The following KHDRBS3 variants were observed in gnomAD, a reference collection of about 807,000 sequenced individuals.
KHDRBS3 encodes the protein KH RNA binding domain containing, signal transduction associated 3, also known as KH domain-containing, RNA-binding, signal transduction-associated protein 3.
A neutral mutation model predicts 45.6 loss-of-function variants in KHDRBS3; 23 were observed. That is an observed-to-expected ratio of 0.50 (90% CI 0.36 to 0.72). The LOEUF is 0.72. Ranked by LOEUF, KHDRBS3 falls within the 30% of genes least tolerant of loss-of-function variation. The probability of loss-of-function intolerance (pLI) is 0.00; values close to 1 mark genes in which losing one functional copy is unlikely to be tolerated. For missense variants in KHDRBS3, 352 were observed against 424.8 expected (o/e 0.83, Z 1.51); for synonymous variants, 162 against 156.5 (o/e 1.04, Z -0.26).
chr8:135,470,284 TTTTGA>T (rs1344185084), intron 1 of KHDRBS3, among the ~76,000 whole-genome samples: 1 of 151,808 alleles, frequency 6.6e-6, no homozygotes, highest in African/African-American at 2.4e-5. Flanking sequence ...CCTTATAAGA[TTTTGA>T]TTTAACAAGT....
At chr8:135,502,401 C>T (rs1014021810) in intron 1 of KHDRBS3, among the ~76,000 whole-genome samples, 5 of 152,158 alleles carry the variant, frequency 3.3e-5, no homozygotes, top group African/African-American at 9.7e-5. Context: ...TAGGATACCC[C>T]TCCACATATC....
intron 7 of KHDRBS3, among the ~76,000 whole-genome samples, chr8:135,610,115 A>G (rs1442741063): frequency 6.6e-6 from 1 of 151,928 alleles, no homozygotes; most frequent in Non-Finnish European, 1.5e-5. Context: ...TAAAGAACCA[A>G]ACTTAAAGCA....
At chr8:135,494,479 C>T (rs560313044) in intron 1 of KHDRBS3, among the ~76,000 whole-genome samples, 105 of 152,010 alleles carry the variant, frequency 6.9e-4, no homozygotes, top group African/African-American at 2.4e-3. Context: ...GGGGTTTCAC[C>T]GTGTTAGCCA....
chr8:135,626,297 A>G (rs549939077), intron 7 of KHDRBS3, among the ~76,000 whole-genome samples: 11 of 152,270 alleles, frequency 7.2e-5, no homozygotes, highest in Non-Finnish European at 1.5e-4. Context: ...TTTGGCTTCA[A>G]AGCCTGATTT....
At chr8:135,566,246 T>TA (rs1273340820) in intron 5 of KHDRBS3, among the ~76,000 whole-genome samples, 2 of 152,206 alleles carry the variant, frequency 1.3e-5, no homozygotes, top group African/African-American at 4.8e-5. Flanking sequence ...TCTGTAGTTT[T>TA]ATATTTGAAA....
chr8:135,460,463 A>G (rs1462139459), intron 1 of KHDRBS3, among the ~76,000 whole-genome samples: 4 of 152,184 alleles, frequency 2.6e-5, no homozygotes, highest in Admixed American at 1.3e-4. Context: ...CAGCTATCTA[A>G]GCTTTTGGGC....
At chr8:135,654,004 C>A (rs926134926) in intron 4 of KHDRBS3, among the ~76,000 whole-genome samples, 4 of 152,102 alleles carry the variant, frequency 2.6e-5, no homozygotes, top group Non-Finnish European at 5.9e-5. Context: ...CCCCACACAC[C>A]CACAGGTAAC....
chr8:135,475,499 A>G lies in KHDRBS3; in HGVS notation c.88+17545A>G, dbSNP rs1170099935. On this transcript the variant is annotated intron_variant, in intron 1 of 8. Transcript: ENST00000355849. Reference sequence around the variant, plus strand: ...GCTAATTTTTGTATTTTTAGTAGAGACGAGGTTTCACTGTGTTGGCCAGGC... The same window carrying G: ...GCTAATTTTTGTATTTTTAGTAGAGGCGAGGTTTCACTGTGTTGGCCAGGC... Among the ~76,000 whole-genome samples, 4 of 151,938 alleles carry G rather than the reference A, an allele frequency of 2.6e-5. No homozygotes were observed. The East Asian group carries it at 7.8e-4, about 29-fold the overall frequency.
intron 6 of KHDRBS3, among the ~76,000 whole-genome samples, chr8:135,591,589 A>G (rs1194514150): frequency 1.3e-5 from 2 of 152,226 alleles, no homozygotes; most frequent in East Asian, 1.9e-4. Flanking sequence ...TCATCTGTAC[A>G]TGGGAATAGA....
chr8:135,486,627 C>T (rs1282891418), intron 1 of KHDRBS3, among the ~76,000 whole-genome samples: 2 of 152,186 alleles, frequency 1.3e-5, no homozygotes, highest in African/African-American at 4.8e-5. Context: ...GAATGGCTTC[C>T]TCAGCTTCAT....
At chr8:135,516,513 G>A (rs1462836352) in intron 1 of KHDRBS3, among the ~76,000 whole-genome samples, 7 of 151,810 alleles carry the variant, frequency 4.6e-5, no homozygotes, top group Admixed American at 2.6e-4. Context: ...ATGTAAAACT[G>A]TATATCAATA....
At chr8:135,501,789 C>T (rs1017803498) in intron 1 of KHDRBS3, among the ~76,000 whole-genome samples, 1 of 151,938 alleles carries the variant, frequency 6.6e-6, no homozygotes, top group Non-Finnish European at 1.5e-5. Context: ...GAAGTCTTGT[C>T]CTTGCAAAAT....
At chr8:135,646,451 G>A (rs1422697705) in intron 8 of KHDRBS3, among the ~76,000 whole-genome samples, 1 of 152,176 alleles carries the variant, frequency 6.6e-6, no homozygotes, top group Non-Finnish European at 1.5e-5. Flanking sequence ...TCAACCCAAT[G>A]CAACTTTCCT....
At chr8:135,591,521 G>T (rs1011450012) in intron 6 of KHDRBS3, among the ~76,000 whole-genome samples, 3 of 152,146 alleles carry the variant, frequency 2.0e-5, no homozygotes, top group Non-Finnish European at 4.4e-5. Flanking sequence ...ACTCACTAAG[G>T]CTGTGTAAGA....
At chr8:135,490,399 C>G (rs966983473) in intron 1 of KHDRBS3, among the ~76,000 whole-genome samples, 1 of 152,130 alleles carries the variant, frequency 6.6e-6, no homozygotes, top group Non-Finnish European at 1.5e-5. Flanking sequence ...CTCCCTACCT[C>G]TTACCTGGCA....
At chr8:135,492,298 A>G (rs1170891194) in intron 1 of KHDRBS3, among the ~76,000 whole-genome samples, 1 of 152,128 alleles carries the variant, frequency 6.6e-6, no homozygotes, top group Non-Finnish European at 1.5e-5. Context: ...AACTTTGTGT[A>G]TCTTAAAATG....
intron 1 of KHDRBS3, among the ~76,000 whole-genome samples, chr8:135,498,229 T>C (rs1296649221): frequency 1.3e-5 from 2 of 152,212 alleles, no homozygotes; most frequent in African/African-American, 4.8e-5. Context: ...CTTTTGGGGA[T>C]GACAAATAAG....
chr8:135,526,502 C>T (rs996108582), intron 2 of KHDRBS3, among the ~76,000 whole-genome samples: 2 of 152,114 alleles, frequency 1.3e-5, no homozygotes, highest in African/African-American at 4.8e-5. Flanking sequence ...GGTTTCAAGC[C>T]AGCCCTGTTT....
intron 2 of KHDRBS3, among the ~76,000 whole-genome samples, chr8:135,521,791 G>A (rs964389870): frequency 5.3e-5 from 8 of 152,094 alleles, no homozygotes; most frequent in African/African-American, 1.9e-4. Context: ...ACTGTTGTGT[G>A]TATTAGTAGT....
Sources: allele counts gnomAD v4.1 joint callset (sites outside exome capture counted in the v4.1 genomes callset), GRCh38; gene constraint gnomAD v4.1.1; transcripts MANE v1.5; gene names NCBI Gene and HGNC (gene_info 2026-07-23, HGNC 2026-07-21).